ASPG: variants seen among roughly 807,000 people sequenced by gnomAD.
The protein encoded by ASPG is 60 kDa lysophospholipase.
In ASPG, 53 loss-of-function variants were observed where a neutral mutation model predicts 63.2. That is an observed-to-expected ratio of 0.84 (90% CI 0.67 to 1.05). The LOEUF (loss-of-function observed/expected upper bound fraction) is 1.05, where lower values mean the gene tolerates loss of function less well. Ranked by LOEUF, ASPG falls within the 50% of genes least tolerant of loss-of-function variation. The probability of loss-of-function intolerance (pLI) is 0.00; values close to 1 mark genes in which losing one functional copy is unlikely to be tolerated. For synonymous variants in ASPG, 370 were observed against 355.0 expected, an observed-to-expected ratio of 1.04 and a Z score of -0.48; for missense variants, 741 against 794.4, an observed-to-expected ratio of 0.93 and a Z score of 0.81.
chr14:104,096,730 G>A (rs2036611933), intron 4 of ASPG, among the ~76,000 whole-genome samples: 1 of 152,178 alleles, frequency 6.6e-6, no homozygotes, highest in African/African-American at 2.4e-5. Flanking sequence ...CCTTATCCCT[G>A]TTATACCTGT....
In ASPG at chr14:104,107,192, T is replaced by G. The variant is rs1164940647; in HGVS notation, c.1280T>G (p.Leu427Arg). The G allele has an allele frequency of 6.4e-7, 1 of 1,574,112 alleles. No homozygotes were observed. Among genetic ancestry groups the G allele is most frequent in the Non-Finnish European group, 8.6e-7 (1 of 1,158,602 alleles). ...LQALVELGSD[L>R]GLVDFNGQTP... The stretch of plus-strand genomic sequence containing the variant: ...CTTGTGTTACTCCAGGGCAGTGACC[T>G]GGGCCTGGTGGACTTTAACGGCCAA... The change falls in exon 12 of 16, where the codon CTG (leucine) becomes CGG (arginine). Residue 427 changes from leucine (L) to arginine (R), a missense_variant. Physicochemically the swap from Leu to Arg is moderately radical, Grantham distance 102. Transcript: ENST00000551177.
intron 11 of ASPG, 80 bp from the exon 12 acceptor site, chr14:104,107,102 G>A (rs895720402): frequency 4.7e-6 from 7 of 1,496,208 alleles, no homozygotes; most frequent in South Asian, 2.7e-5. Flanking sequence ...CCTACCCTCA[G>A]AGGGACCCCA....
intron 9 of ASPG, 102 bp downstream of exon 9, chr14:104,104,837 G>A (rs768745248): frequency 2.0e-6 from 2 of 986,506 alleles, no homozygotes; most frequent in East Asian, 2.6e-5. Flanking sequence ...CCTGGGGGCC[G>A]GTCCAGGGTG....
At position 104,092,539 on chromosome 14, in the gene ASPG, A is replaced by G. The variant is rs1234803696; in HGVS notation, c.83-94A>G. 2.9e-6 allele frequency: 3 copies of G among 1,048,106 alleles called. No homozygotes were observed. In the African/African-American group the frequency reaches 4.7e-5, roughly 17 times the overall value. 64.9% of individuals were successfully genotyped at this position (1,048,106 alleles called of 1,614,324 possible). Reference sequence around the variant, plus strand: ...CTGACTGTCATAAGACCGGAGCCCCATCCCACCAGCTCTGGTCCTGCCCCT... The same window carrying G: ...CTGACTGTCATAAGACCGGAGCCCCGTCCCACCAGCTCTGGTCCTGCCCCT... On this transcript the variant is annotated intron_variant, in intron 1 of 15. Coordinates refer to ENST00000551177, the MANE Select transcript of ASPG (RefSeq NM_001080464.3).
chr14:104,110,094 G>A lies in ASPG; in HGVS notation c.1520+779G>A, dbSNP rs1425665422. The A allele has an allele frequency of 3.0e-6, 3 of 985,238 alleles. No homozygotes were observed. Among genetic ancestry groups the A allele is most frequent in the South Asian group, 4.7e-5 (1 of 21,292 alleles). The allele number at this position is 985,238 out of a possible 1,614,324, so 61.0% of individuals were successfully genotyped here. A position where few individuals can be genotyped will look rare whatever the true frequency, so the allele number is the denominator to read the frequency against. On this transcript the variant is annotated intron_variant, in intron 13 of 15. Coordinates refer to ENST00000551177, the MANE Select transcript of ASPG (RefSeq NM_001080464.3). The surrounding 1 kb of genome is among the most constrained non-coding windows in gnomAD (Gnocchi z 4.7). ...CTCCTGTGCCCAGCCTGGGCTGCCC[G>A]AGGCCAGGACGACTCCGAGGGACCC...
At chr14:104,105,220 A>G in intron 9 of ASPG, 108 bp from the exon 10 acceptor site, 1 of 1,556,338 alleles carries the variant, frequency 6.4e-7, no homozygotes, top group South Asian at 1.1e-5. Context: ...GCCGAGGCTC[A>G]GGCCAAGGGC....
Position 104,110,802 on chromosome 14 carries a change from A to ACCTGGCCTGCT in ASPG, c.1521-691_1521-681dup. The ACCTGGCCTGCT allele has an allele frequency of 1.0e-6, 1 of 985,174 alleles. No individual in the cohort carries two copies. Among genetic ancestry groups the ACCTGGCCTGCT allele is most frequent in the Non-Finnish European group, 1.2e-6 (1 of 829,808 alleles). The allele number at this position is 985,174 out of a possible 1,614,324, so 61.0% of individuals were successfully genotyped here. A position where few individuals can be genotyped will look rare whatever the true frequency, so the allele number is the denominator to read the frequency against. The stretch of plus-strand genomic sequence containing the variant: ...GTGGAGCCTTCCCTGCCGGGTCCCC[A>ACCTGGCCTGCT]CCTGGCCTGCTCCTGGCCTCCCCAG... On this transcript the variant is annotated intron_variant, in intron 13 of 15. Coordinates refer to ENST00000551177, the MANE Select transcript of ASPG (RefSeq NM_001080464.3). This position sits in a 1 kb window ranked among gnomAD's most constrained non-coding sequence, Gnocchi z 4.7.
At chr14:104,104,888 G>A in intron 9 of ASPG, 153 bp downstream of exon 9, 1 of 668,294 alleles carries the variant, frequency 1.5e-6, no homozygotes. Context: ...TCCCTATAGT[G>A]GGGAAGGGCA....
At chr14:104,112,364 AC>A in intron 15 of ASPG, 159 bp from the exon 16 acceptor site, 1 of 661,478 alleles carries the variant, frequency 1.5e-6, no homozygotes. Context: ...CCCAGCTGAC[AC>A]CCCCATTCCC....
intron 6 of ASPG, among the ~76,000 whole-genome samples, chr14:104,101,820 T>G (rs2036890352): frequency 6.6e-6 from 1 of 152,196 alleles, no homozygotes; most frequent in African/African-American, 2.4e-5. Context: ...GGCCGCAGAC[T>G]ACACCCTTCG....
rs955791908 is a variant in ASPG at position 104,104,681 on chromosome 14, C to T, written c.996C>T (p.Ala332=). 5 of 1,611,238 alleles carry T rather than the reference C, an allele frequency of 3.1e-6. No homozygotes were observed. The highest frequency in any genetic ancestry group is 4.2e-6 in the Non-Finnish European group (5 of 1,179,002). ...GFDMTSEAAL[A]KLSYVLGQPG... ...ACATGACATCGGAGGCCGCCCTGGC[C>T]AAGCTATCGTATGTGCTGGGCCAGC... The change falls in exon 9 of 16, where the codon GCC becomes GCT. Residue 332 remains alanine, a synonymous_variant. Transcript: ENST00000551177.
Position 104,104,410 on chromosome 14 carries a change from C to G in ASPG, c.860C>G (p.Thr287Ser). Residue 287 changes from threonine (T) to serine (S), a missense_variant, in exon 8 of 16, where the codon ACC becomes AGC. Coordinates refer to ENST00000551177, the MANE Select transcript of ASPG (RefSeq NM_001080464.3). Reference sequence around the variant, plus strand: ...CTGCTGCAGGAGCTGCGGGTGGCCACCGAGCGCGGCCTGGTCATCGTCAAC... The same window carrying G: ...CTGCTGCAGGAGCTGCGGGTGGCCAGCGAGCGCGGCCTGGTCATCGTCAAC... ...PDLLQELRVA[T>S]ERGLVIVNCT... The G allele has an allele frequency of 6.2e-7, 1 of 1,612,614 alleles. No homozygotes were observed. The highest frequency in any genetic ancestry group is 1.7e-4 in the Middle Eastern group (1 of 6,058).
chr14:104,105,551 C>T, intron 10 of ASPG, 101 bp downstream of exon 10: 1 of 1,429,184 alleles, frequency 7.0e-7, no homozygotes, highest in Non-Finnish European at 9.3e-7. Flanking sequence ...GTAGCCATCA[C>T]TCGAGCCCAA....
At position 104,092,641 on chromosome 14, in the gene ASPG, C is replaced by T. The variant is rs1171691461; in HGVS notation, c.91C>T (p.Pro31Ser). 6.5e-7 allele frequency: 1 copy of T among 1,535,678 alleles called. No homozygotes were observed. Among genetic ancestry groups the T allele is most frequent in the Non-Finnish European group, 8.7e-7 (1 of 1,147,052 alleles). ...GMRSELGVLV[P>S]GTGLAAILRT... Reference sequence around the variant, plus strand: ...CTGGACTCTGCCTGCAGTGCTTGTGCCCGGGACGGGCCTGGCTGCCATCCT... The same window carrying T: ...CTGGACTCTGCCTGCAGTGCTTGTGTCCGGGACGGGCCTGGCTGCCATCCT... The change falls in exon 2 of 16, where the codon CCC becomes TCC. Residue 31 changes from proline (P) to serine (S), a missense_variant. Pro to Ser is a moderately conservative substitution (Grantham distance 74). Transcript: ENST00000551177.
In ASPG at chr14:104,091,891, T is replaced by C. The variant is rs754768861; in HGVS notation, c.83-742T>C. Among the ~76,000 whole-genome samples the C allele has an allele frequency of 2.6e-5, 4 of 151,974 alleles. No individual in the cohort carries two copies. The highest frequency in any genetic ancestry group is 5.9e-5 in the Non-Finnish European group (4 of 67,994). On this transcript the variant is annotated intron_variant, in intron 1 of 15. Coordinates refer to ENST00000551177, the MANE Select transcript of ASPG (RefSeq NM_001080464.3). This position sits in a 1 kb window ranked among gnomAD's most constrained non-coding sequence, Gnocchi z 6.4. ...TGGCTGAGGGGTCAGGGCTTTATAC[T>C]GAGCAGCTGGCCCCAGGGAATGAGT... is the stretch of plus-strand genomic sequence containing the variant.
Position 104,109,290 on chromosome 14 carries a change from G to A in ASPG, c.1495G>A (p.Glu499Lys). Residue 499 changes from glutamate (E) to lysine (K), a missense_variant, in exon 13 of 16, where the codon GAG becomes AAG. Transcript: ENST00000551177. This position sits in a 1 kb window ranked among gnomAD's most constrained non-coding sequence, Gnocchi z 4.8. ...GGCCTCCCTGTCCACCCAGGAGCTG[G>A]AGGAAGCAGGGACGGAGCTGTGCAG... is the stretch of plus-strand genomic sequence containing the variant. ...AGASLSTQEL[E>K]EAGTELCRLA... 6.2e-7 allele frequency: 1 copy of A among 1,612,494 alleles called. No individual in the cohort carries two copies. The highest frequency in any genetic ancestry group is 8.5e-7 in the Non-Finnish European group (1 of 1,179,580).
chr14:104,112,689 A>G lies in ASPG; in HGVS notation c.*145A>G. ...GGCCTTTGTTGGGCAGGACGGCAAT[A>G]AAGTCTCTGACATCCCCTCACCAGG... is the stretch of plus-strand genomic sequence containing the variant. On this transcript the variant is annotated 3_prime_UTR_variant, in exon 16 of 16. Transcript: ENST00000551177. 12 of 1,521,174 alleles carry G rather than the reference A, an allele frequency of 7.9e-6. No homozygotes were observed. The highest frequency in any genetic ancestry group is 1.1e-5 in the Non-Finnish European group (12 of 1,134,856). 94.2% of individuals were successfully genotyped at this position (1,521,174 alleles called of 1,614,324 possible). A position where few individuals can be genotyped will look rare whatever the true frequency, so the allele number is the denominator to read the frequency against.
rs958930157 is a variant in ASPG, at chr14:104,091,282, C to T, written c.83-1351C>T. ...GGATGCCCAGGGTCTGAGGTTGGGT[C>T]CTTGGGGTTCACAAGGCTGGTGAAT... On this transcript the variant is annotated intron_variant, in intron 1 of 15. Transcript: ENST00000551177. The surrounding 1 kb of genome is among the most constrained non-coding windows in gnomAD (Gnocchi z 6.4). 2.6e-5 allele frequency among the ~76,000 whole-genome samples: 4 copies of T among 152,160 alleles called. No individual in the cohort carries two copies. The highest frequency in any genetic ancestry group is 4.1e-4 in the South Asian group (2 of 4,826).
intron 6 of ASPG, among the ~76,000 whole-genome samples, chr14:104,101,020 C>T (rs945718753): frequency 1.3e-5 from 2 of 152,212 alleles, no homozygotes; most frequent in Non-Finnish European, 1.5e-5. Flanking sequence ...GTGCTAAGCC[C>T]GGGCAGGCCA....
Sources: allele counts gnomAD v4.1 joint callset (sites outside exome capture counted in the v4.1 genomes callset), GRCh38; gene constraint gnomAD v4.1.1; non-coding constraint Gnocchi (gnomAD v3.1); transcripts MANE v1.5; gene names NCBI Gene and HGNC (gene_info 2026-07-23, HGNC 2026-07-21).